USP39: variants seen among roughly 807,000 people sequenced by gnomAD.
The protein encoded by USP39 is ubiquitin carboxyl-terminal hydrolase 39.
In USP39, 38 loss-of-function variants were observed where a neutral mutation model predicts 66.4. That is an observed-to-expected ratio of 0.57 (90% CI 0.44 to 0.75). The LOEUF (loss-of-function observed/expected upper bound fraction) is 0.75, where lower values mean the gene tolerates loss of function less well. Among genes scored for constraint, USP39 ranks in the 30% least tolerant of loss-of-function variants. USP39 has a pLI of 0.00. For synonymous variants in USP39, 303 were observed against 274.6 expected (o/e 1.10, Z -1.02); for missense variants, 608 against 714.4 (o/e 0.85, Z 1.70).
At chr2:85,623,475 A>G (rs1292003414) in intron 3 of USP39, 171 bp from the exon 4 acceptor site, 5 of 971,726 alleles carry the variant, frequency 5.1e-6, no homozygotes, top group Admixed American at 6.4e-5. Flanking sequence ...CTTTCTTGCT[A>G]ATTTTTTTAT....
intron 3 of USP39, among the ~76,000 whole-genome samples, chr2:85,622,549 G>C (rs1185600618): frequency 6.6e-6 from 1 of 151,512 alleles, no homozygotes; most frequent in Non-Finnish European, 1.5e-5. Flanking sequence ...ATTGCACCCT[G>C]CTGTCTGGCT....
At chr2:85,635,934 G>C (rs1181930361) in intron 6 of USP39, 119 bp from the exon 7 acceptor site, 3 of 902,150 alleles carry the variant, frequency 3.3e-6, no homozygotes, top group Non-Finnish European at 5.6e-6. Context: ...ACGGCAGTTG[G>C]GATGGGATGG....
chr2:85,632,705 C>T (rs1675451158), intron 6 of USP39, among the ~76,000 whole-genome samples: 1 of 152,108 alleles, frequency 6.6e-6, no homozygotes, highest in African/African-American at 2.4e-5. Flanking sequence ...ACCTCAGCCT[C>T]CCAAAGTGCT....
At chr2:85,605,281 T>G (rs1056537895) in intron 1 of USP39, among the ~76,000 whole-genome samples, 2 of 152,064 alleles carry the variant, frequency 1.3e-5, no homozygotes, top group African/African-American at 4.8e-5. Context: ...GTTTATTTGT[T>G]AAAAAAAATA....
At chr2:85,630,465 GTTTT>G (rs1181577175) in intron 5 of USP39, among the ~76,000 whole-genome samples, 1 of 152,182 alleles carries the variant, frequency 6.6e-6, no homozygotes, top group Non-Finnish European at 1.5e-5. Flanking sequence ...GTTTTGTTTT[GTTTT>G]GTTTTAACCT....
intron 10 of USP39, among the ~76,000 whole-genome samples, chr2:85,642,768 A>T (rs1329721208): frequency 4.6e-5 from 7 of 152,106 alleles, no homozygotes; most frequent in African/African-American, 1.4e-4. Context: ...GTCTTCTCCT[A>T]TGTTTTATTC....
intron 11 of USP39, 149 bp from the exon 12 acceptor site, chr2:85,647,781 G>A (rs1478958337): frequency 7.2e-6 from 4 of 559,120 alleles, no homozygotes; most frequent in African/African-American, 1.9e-5. Context: ...ATGGCCAGAA[G>A]AAGTCATGTA....
chr2:85,609,557 AGTCTGG>A, upstream of USP39: 1 of 1,614,212 alleles, frequency 6.2e-7, no homozygotes, highest in Non-Finnish European at 8.5e-7. Flanking sequence ...GACTCTTCAT[AGTCTGG>A]GTTGCGTGGG....
upstream of USP39, chr2:85,609,619 G>C (rs200832393): frequency 8.1e-6 from 13 of 1,612,666 alleles, no homozygotes; most frequent in Middle Eastern, 1.7e-4. Context: ...GAAAGAAGAG[G>C]GGGGGTGCTG....
In USP39 at chr2:85,643,286, C is replaced by T. The variant is rs769718070; in HGVS notation, c.1428-1662C>T. ...CGGGCGGATCACGAGGTCAGGAGATCGAGACCATCCTGGCTAACACGGTGA... is the reference window on the plus strand; with the variant it reads ...CGGGCGGATCACGAGGTCAGGAGATTGAGACCATCCTGGCTAACACGGTGA... On this transcript the variant is annotated intron_variant, in intron 10 of 12. Coordinates refer to ENST00000323701, the MANE Select transcript of USP39 (RefSeq NM_006590.4). Among the ~76,000 whole-genome samples the T allele has an allele frequency of 2.6e-5, 4 of 151,894 alleles. No individual in the cohort carries two copies. The East Asian group carries it at 5.8e-4, about 22-fold the overall frequency.
intron 10 of USP39, among the ~76,000 whole-genome samples, chr2:85,643,772 G>A (rs930873623): frequency 3.3e-5 from 5 of 151,242 alleles, no homozygotes; most frequent in South Asian, 2.1e-4. Flanking sequence ...CTCAGCCTCC[G>A]GAATAGGTGG....
chr2:85,640,330 C>T (rs1231125237), intron 9 of USP39, among the ~76,000 whole-genome samples: 1 of 151,392 alleles, frequency 6.6e-6, no homozygotes, highest in African/African-American at 2.4e-5. Context: ...ACTCTGTTGC[C>T]TAGGCTGGAG....
intron 6 of USP39, among the ~76,000 whole-genome samples, chr2:85,632,098 AT>A (rs1207564876): frequency 2.6e-5 from 4 of 152,252 alleles, no homozygotes; most frequent in Non-Finnish European, 4.4e-5. Flanking sequence ...TTACTGTCTT[AT>A]GAGTAAAGCG....
intron 5 of USP39, among the ~76,000 whole-genome samples, chr2:85,627,792 G>A (rs1283776882): frequency 6.6e-6 from 1 of 152,122 alleles, no homozygotes; most frequent in Non-Finnish European, 1.5e-5. Context: ...GTGAGCCACT[G>A]CACCTAGCCT....
At chr2:85,635,828 A>G (rs544800720) in intron 6 of USP39, among the ~76,000 whole-genome samples, 16 of 152,296 alleles carry the variant, frequency 1.1e-4, no homozygotes, top group African/African-American at 2.6e-4. Context: ...CAGTCCTGGT[A>G]TGAATCAGAG....
In USP39 at chr2:85,648,781, T is replaced by G; in HGVS notation, c.1671T>G (p.Asn557Lys). 4 of 1,614,104 alleles carry G rather than the reference T, an allele frequency of 2.5e-6. No homozygotes were observed. Among genetic ancestry groups the G allele is most frequent in the Non-Finnish European group, 3.4e-6 (4 of 1,179,996 alleles). Reference protein sequence around the residue: ...AYIQIWKRRDNDETNQQGA With the variant: ...AYIQIWKRRDKDETNQQGA ...TACAGATTTGGAAGAGGCGAGATAA[T>G]GATGAAACCAACCAGCAGGGGGCTT... The change falls in exon 13 of 13, where the codon AAT becomes AAG. Residue 557 changes from asparagine to lysine, a missense_variant. Around this residue, in one of 6 missense-constraint regions of USP39, gnomAD observed 164 missense variants for 250.3 expected, o/e 0.66. Coordinates refer to ENST00000323701, the MANE Select transcript of USP39 (RefSeq NM_006590.4).
upstream of USP39, chr2:85,611,360 C>G: frequency 6.9e-7 from 1 of 1,444,958 alleles, no homozygotes; most frequent in Non-Finnish European, 9.0e-7. Context: ...CATCGCTGTG[C>G]CAGACTTTCT....
At chr2:85,623,076 A>G (rs1479447069) in intron 3 of USP39, among the ~76,000 whole-genome samples, 1 of 152,174 alleles carries the variant, frequency 6.6e-6, no homozygotes, top group African/African-American at 2.4e-5. Context: ...AGTTCATGGA[A>G]GAGCTGAGGT....
chr2:85,603,446 G>A (rs1454701739), intron 1 of USP39, among the ~76,000 whole-genome samples: 1 of 152,046 alleles, frequency 6.6e-6, no homozygotes, highest in Admixed American at 6.5e-5. Context: ...GCCAGTGTTG[G>A]TAAGCAAAGA....
Sources: allele counts gnomAD v4.1 joint callset (sites outside exome capture counted in the v4.1 genomes callset), GRCh38; gene constraint gnomAD v4.1.1; regional missense constraint gnomAD v4.1.1; transcripts MANE v1.5; gene names NCBI Gene and HGNC (gene_info 2026-07-23, HGNC 2026-07-21).